Variants in EYS observed in about 807,000 individuals in gnomAD.
EYS encodes the protein EGF-like photoreceptor maintenance factor, also known as protein eyes shut homolog.
EYS carries 250 observed loss-of-function variants against 282.1 expected under a neutral mutation model. The ratio of observed to expected loss-of-function variants is 0.89; its 90% confidence interval spans 0.80 to 0.98. The LOEUF (loss-of-function observed/expected upper bound fraction) is 0.98. EYS is among the 50% of genes least tolerant of loss of function. The probability of loss-of-function intolerance (pLI) is 0.00; values close to 1 mark genes in which losing one functional copy is unlikely to be tolerated. For missense variants in EYS, 4,016 were observed against 3,709.0 expected, an observed-to-expected ratio of 1.08 and a Z score of -2.15; for synonymous variants, 1,355 against 1,282.9, an observed-to-expected ratio of 1.06 and a Z score of -1.20.
intron 35 of EYS, among the ~76,000 whole-genome samples, chr6:63,936,753 A>G (rs1166056770): frequency 2.6e-5 from 4 of 152,234 alleles, no homozygotes; most frequent in African/African-American, 9.6e-5. Flanking sequence ...TGCTACTAAC[A>G]ATCTACAAAA....
intron 30 of EYS, among the ~76,000 whole-genome samples, chr6:64,304,867 A>G (rs1189664066): frequency 6.6e-6 from 1 of 152,182 alleles, no homozygotes; most frequent in Non-Finnish European, 1.5e-5. Flanking sequence ...GATGCAGTGA[A>G]AGCAGTGGTA....
chr6:64,378,851 G>C (rs1022018318), intron 29 of EYS, among the ~76,000 whole-genome samples: 1 of 152,102 alleles, frequency 6.6e-6, no homozygotes, highest in Non-Finnish European at 1.5e-5. Flanking sequence ...GCATGTCATG[G>C]AGAAAATGGA....
chr6:65,007,385 A>G (rs887051089), intron 13 of EYS, among the ~76,000 whole-genome samples: 1 of 152,186 alleles, frequency 6.6e-6, no homozygotes, highest in Non-Finnish European at 1.5e-5. Flanking sequence ...GAAATGACTT[A>G]TATTCTTCTG....
intron 12 of EYS, among the ~76,000 whole-genome samples, chr6:65,197,610 C>T (rs1010579948): frequency 6.6e-6 from 1 of 152,014 alleles, no homozygotes; most frequent in Non-Finnish European, 1.5e-5. Context: ...AGAAGTGCAT[C>T]CTTTAGTGAT....
intron 1 of EYS, among the ~76,000 whole-genome samples, chr6:65,688,378 A>T (rs1186665572): frequency 6.6e-6 from 1 of 152,196 alleles, no homozygotes; most frequent in Non-Finnish European, 1.5e-5. Flanking sequence ...CTGGCTGGCC[A>T]TATGTAGAAA....
At chr6:65,282,128 AG>A (rs1350837618) in intron 12 of EYS, among the ~76,000 whole-genome samples, 1 of 151,608 alleles carries the variant, frequency 6.6e-6, no homozygotes, top group Non-Finnish European at 1.5e-5. Context: ...TTCAGACAGG[AG>A]GGAAAAAAAT....
intron 22 of EYS, among the ~76,000 whole-genome samples, chr6:64,686,806 T>TAC: frequency 1.6e-5 from 1 of 61,266 alleles, no homozygotes; most frequent in South Asian, 5.6e-4. Flanking sequence ...TATATATATG[T>TAC]GTGTATATAT....
chr6:63,744,793 C>T (rs1381402951), intron 41 of EYS: 9 of 206,256 alleles, frequency 4.4e-5, no homozygotes. Context: ...GTCTCGAACT[C>T]CTGACCTCAG....
At chr6:65,144,386 C>A (rs1046768792) in intron 12 of EYS, among the ~76,000 whole-genome samples, 1 of 152,036 alleles carries the variant, frequency 6.6e-6, no homozygotes, top group African/African-American at 2.4e-5. Context: ...CTCACCTGAG[C>A]AATATTTCTT....
intron 29 of EYS, among the ~76,000 whole-genome samples, chr6:64,353,858 A>G (rs1462204805): frequency 1.3e-5 from 2 of 151,618 alleles, no homozygotes; most frequent in Non-Finnish European, 3.0e-5. Flanking sequence ...TGTTGCCTAC[A>G]GTCTAGATTT....
At chr6:64,399,256 A>C (rs533744304) in intron 28 of EYS, among the ~76,000 whole-genome samples, 7 of 151,764 alleles carry the variant, frequency 4.6e-5, no homozygotes, top group Non-Finnish European at 1.0e-4. Context: ...CTATACAAGC[A>C]ATATAAGCTC....
At chr6:65,371,519 T>C (rs1382191727) in intron 8 of EYS, among the ~76,000 whole-genome samples, 1 of 149,912 alleles carries the variant, frequency 6.7e-6, no homozygotes, top group East Asian at 1.9e-4. Context: ...TGGGTGTAAA[T>C]GCTCACAAAA....
chr6:64,317,134 A>T (rs1207428222), intron 29 of EYS, among the ~76,000 whole-genome samples: 1 of 152,172 alleles, frequency 6.6e-6, no homozygotes, highest in Non-Finnish European at 1.5e-5. Flanking sequence ...AGGCAATACC[A>T]TTCAGGACAT....
chr6:63,955,886 A>G (rs142387805), intron 35 of EYS, among the ~76,000 whole-genome samples: 75 of 152,044 alleles, frequency 4.9e-4, no homozygotes, highest in African/African-American at 1.8e-3. Flanking sequence ...CTTCCATTTC[A>G]TTTCTCAATT....
At chr6:64,562,820 A>G (rs1765442037) in intron 26 of EYS, among the ~76,000 whole-genome samples, 1 of 151,922 alleles carries the variant, frequency 6.6e-6, no homozygotes, top group African/African-American at 2.4e-5. Context: ...TTCATTTAAA[A>G]CAATACTTAC....
At chr6:64,851,024 A>G (rs1290047220) in intron 19 of EYS, among the ~76,000 whole-genome samples, 1 of 151,868 alleles carries the variant, frequency 6.6e-6, no homozygotes, top group South Asian at 2.1e-4. Context: ...ACTTGTGTAC[A>G]TTGTGGTGGT....
At chr6:65,048,913 A>T (rs1561939915) in intron 13 of EYS, among the ~76,000 whole-genome samples, 1 of 151,800 alleles carries the variant, frequency 6.6e-6, no homozygotes, top group Non-Finnish European at 1.5e-5. Flanking sequence ...ATACCTCTAC[A>T]ATAGACCACA....
intron 26 of EYS, among the ~76,000 whole-genome samples, chr6:64,513,199 T>G (rs1777461870): frequency 6.6e-6 from 1 of 151,868 alleles, no homozygotes; most frequent in Non-Finnish European, 1.5e-5. Flanking sequence ...TAATAGATAA[T>G]TAAAAATTCA....
intron 2 of EYS, among the ~76,000 whole-genome samples, chr6:65,594,544 C>T (rs1765341471): frequency 6.6e-6 from 1 of 151,902 alleles, no homozygotes; most frequent in Admixed American, 6.6e-5. Context: ...ATCTCTTAGC[C>T]TGACGTTCTT....
Sources: gnomAD v4.1 joint callset for allele counts (sites outside exome capture counted in the v4.1 genomes callset) on GRCh38, gnomAD v4.1.1 for gene constraint, MANE v1.5 for transcripts, NCBI Gene and HGNC (gene_info 2026-07-23, HGNC 2026-07-21) for gene names.